CSMD1: variants seen among roughly 807,000 people sequenced by gnomAD.
CSMD1 encodes the protein CUB and Sushi multiple domains 1.
A neutral mutation model predicts 417.5 loss-of-function variants in CSMD1; 213 were observed. The ratio of observed to expected loss-of-function variants is 0.51; its 90% CI spans 0.46 to 0.57. The LOEUF (loss-of-function observed/expected upper bound fraction) is 0.57, where lower values mean the gene tolerates loss of function less well. Among genes scored for constraint, CSMD1 ranks in the 20% least tolerant of loss-of-function variants. The pLI is 0.00. For missense variants in CSMD1, 6,923 were observed against 4,529.7 expected, an observed-to-expected ratio of 1.53 and a Z score of -15.17; for synonymous variants, 2,862 against 1,736.8, an observed-to-expected ratio of 1.65 and a Z score of -16.11.
At chr8:3,560,802 G>A (rs896307205) in intron 10 of CSMD1, among the ~76,000 whole-genome samples, 2 of 152,188 alleles carry the variant, frequency 1.3e-5, no homozygotes, top group Non-Finnish European at 2.9e-5. Context: ...TCGAGCTAGA[G>A]AAAGCAATTT....
Position 4,047,551 on chromosome 8 carries a change from T to C in CSMD1, c.416-15452A>G, listed in dbSNP as rs188051823. Among the ~76,000 whole-genome samples, 241 of 135,556 alleles carry C rather than the reference T, an allele frequency of 1.8e-3. 1 individual carries two copies. Among genetic ancestry groups the C allele is most frequent in the African/African-American group, 5.9e-3 (225 of 38,324 alleles). 88.9% of individuals were successfully genotyped at this position (135,556 alleles called of 152,430 possible). On this transcript the variant is annotated intron_variant, in intron 3 of 69. Transcript: ENST00000635120. ...TTCATTCATTCATTCATTCCACAAA[T>C]ATTTATAGAATGCAAATTATGTTGA...
rs571100466 is a variant in CSMD1 at position 3,185,392 on chromosome 8, CCTG to C, written c.5620+2474_5620+2476del. ...TTCACTATTATTAGTAAGGCATTTC[CCTG>C]CTAACTTTGGCTAATCCATCATGCA... is the stretch of plus-strand genomic sequence containing the variant. On this transcript the variant is annotated intron_variant, in intron 36 of 69. Transcript: ENST00000635120. Among the ~76,000 whole-genome samples the C allele has an allele frequency of 9.9e-5, 15 of 152,182 alleles. No individual in the cohort carries two copies. In the South Asian group the frequency reaches 2.7e-3, roughly 27 times the overall value.
rs977696103 is a variant in CSMD1 at position 3,121,981 on chromosome 8, T to C, written c.6242-3394A>G. ...ATATTATAGAGAATTAGCTGTATTT[T>C]AGGTTGGTGAAAATGTAATTGCGGT... On this transcript the variant is annotated intron_variant, in intron 41 of 69. Transcript: ENST00000635120. Among the ~76,000 whole-genome samples, 8 of 152,298 alleles carry C rather than the reference T, an allele frequency of 5.3e-5. No individual in the cohort carries two copies. In the East Asian group the frequency reaches 1.5e-3, roughly 29 times the overall value.
intron 3 of CSMD1, among the ~76,000 whole-genome samples, chr8:4,337,673 A>AT (rs1800249262): frequency 1.3e-5 from 2 of 152,082 alleles, no homozygotes; most frequent in South Asian, 2.1e-4. Context: ...CTCACAGACA[A>AT]TTTTTTCTTT....
At chr8:3,292,279 G>T (rs62503426) in intron 25 of CSMD1, among the ~76,000 whole-genome samples, 1 of 152,166 alleles carries the variant, frequency 6.6e-6, no homozygotes, top group South Asian at 2.1e-4. Flanking sequence ...GGTGTGGTGT[G>T]GTGCTGAAAA....
intron 69 of CSMD1, among the ~76,000 whole-genome samples, chr8:2,940,159 C>G (rs1801769088): frequency 2.0e-5 from 3 of 152,172 alleles, no homozygotes; most frequent in Admixed American, 1.3e-4. Context: ...GTAGAGAGTG[C>G]TACAGGCTTG....
intron 26 of CSMD1, among the ~76,000 whole-genome samples, chr8:3,254,131 G>T (rs4875434): frequency 0.3 from 46,070 of 151,996 alleles, 7,306 homozygotes; most frequent in Admixed American, 0.37. Context: ...CCTTCACTTA[G>T]GAAGCTTAGT....
intron 3 of CSMD1, among the ~76,000 whole-genome samples, chr8:4,222,848 G>C (rs1460468160): frequency 6.6e-6 from 1 of 151,986 alleles, no homozygotes; most frequent in Admixed American, 6.6e-5. Flanking sequence ...AATACCATGA[G>C]GACAATTAAT....
At chr8:4,927,430 T>C (rs1186319441) in intron 1 of CSMD1, among the ~76,000 whole-genome samples, 1 of 152,026 alleles carries the variant, frequency 6.6e-6, no homozygotes, top group East Asian at 1.9e-4. Context: ...TGAGGCACAG[T>C]GTGAAAGTTT....
At chr8:4,280,455 C>T (rs966757715) in intron 3 of CSMD1, among the ~76,000 whole-genome samples, 2 of 152,182 alleles carry the variant, frequency 1.3e-5, no homozygotes, top group African/African-American at 2.4e-5. Flanking sequence ...AATCTGAGCA[C>T]TTGCATACAT....
chr8:4,875,148 T>C (rs1380698031), intron 1 of CSMD1, among the ~76,000 whole-genome samples: 3 of 151,940 alleles, frequency 2.0e-5, no homozygotes, highest in Non-Finnish European at 4.4e-5. Context: ...AGGTAGTATG[T>C]GCTCTGCCTA....
intron 7 of CSMD1, among the ~76,000 whole-genome samples, chr8:3,707,496 G>A (rs573045642): frequency 6.4e-4 from 97 of 152,334 alleles, no homozygotes; most frequent in African/African-American, 2.3e-3. Flanking sequence ...AGTCCTAGAA[G>A]AAGCGTGAGC....
intron 2 of CSMD1, among the ~76,000 whole-genome samples, chr8:4,580,911 A>G (rs746133832): frequency 2.6e-5 from 4 of 152,214 alleles, no homozygotes; most frequent in Admixed American, 2.6e-4. Flanking sequence ...GTTTGACATC[A>G]TCGGAAGTTC....
At chr8:3,487,424 T>A (rs112984195) in intron 11 of CSMD1, among the ~76,000 whole-genome samples, 2,474 of 152,126 alleles carry the variant, frequency 0.016, 49 homozygotes, top group South Asian at 0.057. Context: ...GATGGTCTCG[T>A]TCTCCTGACC....
chr8:4,714,356 G>A (rs1207342732), intron 1 of CSMD1, among the ~76,000 whole-genome samples: 1 of 151,942 alleles, frequency 6.6e-6, no homozygotes, highest in Non-Finnish European at 1.5e-5. Flanking sequence ...AGGGGGTCAA[G>A]AATTTAAATT....
chr8:4,711,434 T>A (rs575653732), intron 1 of CSMD1, among the ~76,000 whole-genome samples: 46 of 152,342 alleles, frequency 3.0e-4, no homozygotes, highest in Admixed American at 7.8e-4. Context: ...TAGTAATAGC[T>A]GCATTTTCAA....
intron 3 of CSMD1, among the ~76,000 whole-genome samples, chr8:4,203,850 A>C: frequency 6.6e-6 from 1 of 152,194 alleles, no homozygotes; most frequent in East Asian, 1.9e-4. Context: ...CTGTAATCCC[A>C]GCACTTTTGG....
At chr8:3,728,332 C>G (rs1425339319) in intron 6 of CSMD1, among the ~76,000 whole-genome samples, 1 of 152,110 alleles carries the variant, frequency 6.6e-6, no homozygotes, top group Non-Finnish European at 1.5e-5. Context: ...GCCTCCCAGC[C>G]ACGTGGAACT....
chr8:3,909,362 C>T (rs977648612), intron 5 of CSMD1, among the ~76,000 whole-genome samples: 2 of 152,092 alleles, frequency 1.3e-5, no homozygotes, highest in African/African-American at 4.8e-5. Flanking sequence ...GTCTGACTCA[C>T]ATTCGTCAGG....
Sources: gnomAD v4.1 joint callset for allele counts (sites outside exome capture counted in the v4.1 genomes callset) on GRCh38, gnomAD v4.1.1 for gene constraint, MANE v1.5 for transcripts, NCBI Gene and HGNC (gene_info 2026-07-23, HGNC 2026-07-21) for gene names.